The following TPD52L2 variants were observed in gnomAD, a reference collection of about 807,000 sequenced individuals.
TPD52L2 encodes the protein tumor protein D54.
In TPD52L2, 19 loss-of-function variants were observed where a neutral mutation model predicts 24.7. The ratio of observed to expected loss-of-function variants is 0.77; its 90% CI spans 0.54 to 1.13. The LOEUF (loss-of-function observed/expected upper bound fraction) is 1.13, where lower values mean the gene tolerates loss of function less well. TPD52L2 is among the 50% of genes most tolerant of loss of function. TPD52L2 has a pLI of 0.00. For missense variants in TPD52L2, 236 were observed against 250.4 expected (o/e 0.94, Z 0.39); for synonymous variants, 104 against 100.2 (o/e 1.04, Z -0.23).
chr20:63,889,470 A>ACACTGCCCTTCCTGGTCCC (rs3838939), intron 6 of TPD52L2, among the ~76,000 whole-genome samples: 4 of 151,410 alleles, frequency 2.6e-5, no homozygotes, highest in African/African-American at 4.9e-5. Context: ...GAACGCCTCC[A>ACACTGCCCTTCCTGGTCCC]CACTGCCCTT....
intron 1 of TPD52L2, among the ~76,000 whole-genome samples, chr20:63,867,649 C>T (rs958437372): frequency 2.6e-5 from 4 of 152,012 alleles, no homozygotes; most frequent in Admixed American, 6.6e-5. Flanking sequence ...GAAGTGCACA[C>T]GGCTCCAGTC....
chr20:63,886,921 G>A (rs2053149103), intron 5 of TPD52L2: 1 of 158,378 alleles, frequency 6.3e-6, no homozygotes, highest in Non-Finnish European at 1.4e-5. Flanking sequence ...GGGATTACAG[G>A]CGTGAGCCAC....
intron 4 of TPD52L2, chr20:63,876,879 C>G: frequency 2.2e-6 from 1 of 455,392 alleles, no homozygotes; most frequent in Non-Finnish European, 4.4e-6. Context: ...TCTGGGTGCT[C>G]TGGGGACCCG....
rs2053243692 is a variant in TPD52L2, at chr20:63,889,208, G to A, written c.495G>A (p.Lys165=). Residue 165 remains lysine, a synonymous_variant, in exon 6 of 7, where the codon AAG becomes AAA. Transcript: ENST00000346249. The part of the protein sequence containing the change: ...LGDMRNSATF[K]SFEDRVGTIK... ...TTTAAAGGAACTCTGCGACCTTCAA[G>A]TCGTTTGAGGACCGAGTTGGGACCA... The A allele has an allele frequency of 3.1e-6, 5 of 1,613,420 alleles. No individual in the cohort carries two copies. Among genetic ancestry groups the A allele is most frequent in the Non-Finnish European group, 4.2e-6 (5 of 1,179,798 alleles).
At chr20:63,887,268 T>C in intron 5 of TPD52L2, 1 of 536,062 alleles carries the variant, frequency 1.9e-6, no homozygotes, top group Non-Finnish European at 3.4e-6. Context: ...TGAAGGCTGT[T>C]TGTACCAAAT....
At chr20:63,867,078 C>T (rs1321358261) in intron 1 of TPD52L2, among the ~76,000 whole-genome samples, 2 of 151,986 alleles carry the variant, frequency 1.3e-5, no homozygotes, top group East Asian at 1.9e-4. Flanking sequence ...CTCAGCCTCC[C>T]GTGTAGCTGG....
chr20:63,878,093 G>A (rs557910762), intron 4 of TPD52L2, among the ~76,000 whole-genome samples: 64 of 152,386 alleles, frequency 4.2e-4, no homozygotes, highest in Middle Eastern at 3.4e-3. Flanking sequence ...TCAGCTTCAG[G>A]AGATGGGCTG....
chr20:63,887,820 C>T lies in TPD52L2; in HGVS notation c.477-1370C>T, dbSNP rs1205074078. 10 of 594,004 alleles carry T rather than the reference C, an allele frequency of 1.7e-5. No individual in the cohort carries two copies. The East Asian group carries it at 2.8e-4, about 17-fold the overall frequency. The allele number at this position is 594,004 out of a possible 1,614,324, so 36.8% of individuals were successfully genotyped here. A position where few individuals can be genotyped will look rare whatever the true frequency, so the allele number is the denominator to read the frequency against. On this transcript the variant is annotated intron_variant, in intron 5 of 6. Transcript: ENST00000346249. ...GGTCAGGCTCTTCACCTGCAGCCTC[C>T]AGAGGAGATCCTTGTGTCAAACTGG...
chr20:63,883,065 G>C (rs991098762), intron 5 of TPD52L2, among the ~76,000 whole-genome samples: 1 of 152,168 alleles, frequency 6.6e-6, no homozygotes, highest in African/African-American at 2.4e-5. Context: ...AGTGCTGTTG[G>C]GTAACTTGTG....
chr20:63,889,085 T>TAGG (rs994701637), intron 5 of TPD52L2, 105 bp from the exon 6 acceptor site: 22 of 940,024 alleles, frequency 2.3e-5, no homozygotes, highest in Admixed American at 1.1e-4. Flanking sequence ...GGGATGTTGT[T>TAGG]AGGGACCCTT....
At chr20:63,871,270 G>A (rs181233332) in intron 2 of TPD52L2, among the ~76,000 whole-genome samples, 1 of 150,736 alleles carries the variant, frequency 6.6e-6, no homozygotes, top group Non-Finnish European at 1.5e-5. Flanking sequence ...CCCGAACTCC[G>A]AGTCTCAAGA....
intron 4 of TPD52L2, among the ~76,000 whole-genome samples, chr20:63,878,215 C>T (rs1051367775): frequency 9.2e-5 from 14 of 152,196 alleles, no homozygotes; most frequent in Admixed American, 6.5e-4. Context: ...GGAGGATGGA[C>T]GGGAAGGAGA....
intron 5 of TPD52L2, among the ~76,000 whole-genome samples, chr20:63,885,633 A>G (rs2053063546): frequency 6.6e-6 from 1 of 152,184 alleles, no homozygotes; most frequent in African/African-American, 2.4e-5. Flanking sequence ...GCTGTGGCAC[A>G]TTTCACACCT....
chr20:63,867,606 G>A (rs1014807228), intron 1 of TPD52L2, among the ~76,000 whole-genome samples: 1 of 151,802 alleles, frequency 6.6e-6, no homozygotes, highest in African/African-American at 2.4e-5. Context: ...AAGTGGATAC[G>A]CTTCGTTTAG....
At chr20:63,885,121 C>T (rs1223241851) in intron 5 of TPD52L2, among the ~76,000 whole-genome samples, 1 of 152,190 alleles carries the variant, frequency 6.6e-6, no homozygotes, top group Non-Finnish European at 1.5e-5. Flanking sequence ...TGGATGAACC[C>T]CGGCGGACCC....
chr20:63,872,006 A>G (rs1183472034), intron 2 of TPD52L2, among the ~76,000 whole-genome samples: 1 of 151,772 alleles, frequency 6.6e-6, no homozygotes, highest in East Asian at 1.9e-4. Context: ...CTAAAGTGGT[A>G]AAGCTTTGAA....
intron 5 of TPD52L2, among the ~76,000 whole-genome samples, chr20:63,883,836 G>GCCTGCCTC (rs762623900): frequency 1.4e-3 from 203 of 148,430 alleles, no homozygotes; most frequent in Non-Finnish European, 2.3e-3. Context: ...CTGCCTGCCT[G>GCCTGCCTC]CCTGCCTCCC....
chr20:63,874,375 T>TA (rs1555872955), intron 3 of TPD52L2, among the ~76,000 whole-genome samples: 2 of 150,680 alleles, frequency 1.3e-5, no homozygotes, highest in African/African-American at 4.9e-5. Flanking sequence ...TTTTTTTTTT[T>TA]TTATTATTAT....
chr20:63,876,985 A>C (rs1350906328), intron 4 of TPD52L2: 3 of 448,186 alleles, frequency 6.7e-6, no homozygotes, highest in Non-Finnish European at 1.3e-5. Flanking sequence ...TGCTCTGGGG[A>C]CCCGGGTGGT....
Sources: allele counts gnomAD v4.1 joint callset (sites outside exome capture counted in the v4.1 genomes callset), GRCh38; gene constraint gnomAD v4.1.1; transcripts MANE v1.5; gene names NCBI Gene and HGNC (gene_info 2026-07-23, HGNC 2026-07-21).